The following DKK3 variants were observed in gnomAD, a reference collection of about 807,000 sequenced individuals.
The protein encoded by DKK3 is dickkopf Wnt signaling pathway inhibitor 3.
DKK3 carries 22 observed loss-of-function variants against 33.2 expected under a neutral mutation model. That is an observed-to-expected ratio of 0.66 (90% CI 0.47 to 0.95). The LOEUF (loss-of-function observed/expected upper bound fraction) is 0.95, where lower values mean the gene tolerates loss of function less well. Ranked by LOEUF, DKK3 falls within the 40% of genes least tolerant of loss-of-function variation. DKK3 has a pLI of 0.00. For synonymous variants in DKK3, 194 were observed against 188.8 expected (o/e 1.03, Z -0.23); for missense variants, 398 against 458.4 (o/e 0.87, Z 1.20).
intron 3 of DKK3, among the ~76,000 whole-genome samples, chr11:11,984,784 G>A (rs1171065889): frequency 2.0e-5 from 3 of 152,114 alleles, no homozygotes; most frequent in South Asian, 2.1e-4. Flanking sequence ...GGTGGGGGAC[G>A]GCGCCTGGGA....
chr11:11,987,004 T>C (rs773319540), intron 3 of DKK3, among the ~76,000 whole-genome samples: 1 of 152,220 alleles, frequency 6.6e-6, no homozygotes, highest in Non-Finnish European at 1.5e-5. Context: ...GAATTTTACT[T>C]CCGTTTCTAT....
intron 3 of DKK3, among the ~76,000 whole-genome samples, chr11:11,998,007 G>A (rs183261326): frequency 5.3e-5 from 8 of 152,158 alleles, no homozygotes; most frequent in African/African-American, 1.4e-4. Flanking sequence ...GTGTGCATCC[G>A]AAGCCAGCAC....
intron 5 of DKK3, among the ~76,000 whole-genome samples, 190 bp downstream of exon 5, chr11:11,966,763 GA>G (rs201734499): frequency 6.6e-6 from 1 of 151,918 alleles, no homozygotes; most frequent in African/African-American, 2.4e-5. Context: ...ATCAACAGGG[GA>G]AAAAAAAGAG....
At chr11:11,981,958 C>T (rs1458442003) in intron 3 of DKK3, among the ~76,000 whole-genome samples, 2 of 152,134 alleles carry the variant, frequency 1.3e-5, no homozygotes, top group Admixed American at 6.5e-5. Context: ...GATATCTGTC[C>T]TTGTGGATGT....
chr11:11,995,277 G>A (rs1399436866), intron 3 of DKK3, among the ~76,000 whole-genome samples: 2 of 151,984 alleles, frequency 1.3e-5, no homozygotes, highest in Non-Finnish European at 2.9e-5. Context: ...TTGTAGAGGG[G>A]TCTCAATTTC....
intron 1 of DKK3, among the ~76,000 whole-genome samples, chr11:12,006,612 C>T (rs1848541177): frequency 6.6e-6 from 1 of 152,202 alleles, no homozygotes; most frequent in Non-Finnish European, 1.5e-5. Context: ...CACAGAGCCA[C>T]ATCTAGAGGG....
At chr11:12,000,180 TTTTGTTTGTTTGTTTGTTTG>T (rs55683428) in intron 2 of DKK3, among the ~76,000 whole-genome samples, 8 of 151,284 alleles carry the variant, frequency 5.3e-5, no homozygotes, top group Non-Finnish European at 1.0e-4. Flanking sequence ...GACTAGTGTT[TTTTGTTTGTTTGTTTGTTTG>T]TTTGTTTGTT....
chr11:11,990,888 T>A (rs946520137), intron 3 of DKK3, among the ~76,000 whole-genome samples: 1 of 152,122 alleles, frequency 6.6e-6, no homozygotes. Flanking sequence ...TGTCAAGAAG[T>A]GTGAAGGGTC....
chr11:12,000,496 C>T (rs942553409), intron 2 of DKK3, among the ~76,000 whole-genome samples: 3 of 150,396 alleles, frequency 2.0e-5, no homozygotes, highest in South Asian at 2.1e-4. Flanking sequence ...CATAAGCCAC[C>T]GTGCCTGGCC....
chr11:11,980,539 C>T (rs900087735), intron 3 of DKK3, among the ~76,000 whole-genome samples: 6 of 152,272 alleles, frequency 3.9e-5, no homozygotes, highest in Admixed American at 2.6e-4. Context: ...TCCCTAGGAC[C>T]CAGATTTTTG....
At chr11:12,002,780 G>A (rs2133332270) in intron 1 of DKK3, among the ~76,000 whole-genome samples, 1 of 152,274 alleles carries the variant, frequency 6.6e-6, no homozygotes, top group South Asian at 2.1e-4. Context: ...TGCTCCCTGT[G>A]TAAACGCTGT....
At chr11:11,978,591 C>A (rs1256655712) in intron 3 of DKK3, among the ~76,000 whole-genome samples, 6 of 151,938 alleles carry the variant, frequency 3.9e-5, no homozygotes, top group Admixed American at 1.3e-4. Context: ...GTTGCCCAAG[C>A]TGGCCTTGAA....
At chr11:11,995,940 T>A (rs1338473071) in intron 3 of DKK3, among the ~76,000 whole-genome samples, 1 of 152,218 alleles carries the variant, frequency 6.6e-6, no homozygotes, top group Non-Finnish European at 1.5e-5. Flanking sequence ...TAGACAGGCA[T>A]ATAGTGTTAC....
chr11:12,007,661 C>T (rs971586576), intron 1 of DKK3, among the ~76,000 whole-genome samples: 3 of 152,210 alleles, frequency 2.0e-5, no homozygotes, highest in Non-Finnish European at 4.4e-5. Context: ...ACACATATGA[C>T]ATTTAGTTTT....
At chr11:11,966,104 T>G (rs1425717169) in intron 5 of DKK3, 139 bp from the exon 6 acceptor site, 1 of 1,083,582 alleles carries the variant, frequency 9.2e-7, no homozygotes, top group African/African-American at 1.6e-5. Context: ...AGATACGGAA[T>G]GACAGGAAAC....
At chr11:11,981,069 C>A (rs529521557) in intron 3 of DKK3, among the ~76,000 whole-genome samples, 1 of 152,352 alleles carries the variant, frequency 6.6e-6, no homozygotes, top group East Asian at 1.9e-4. Context: ...ATGCCCAGCC[C>A]TCAATCATAC....
chr11:11,985,447 C>A (rs1848050801), intron 3 of DKK3, among the ~76,000 whole-genome samples: 1 of 152,210 alleles, frequency 6.6e-6, no homozygotes. Flanking sequence ...AAAACCTAAC[C>A]AGTTATGTTG....
At chr11:11,981,104 G>C (rs12286932) in intron 3 of DKK3, among the ~76,000 whole-genome samples, 265 of 152,240 alleles carry the variant, frequency 1.7e-3, no homozygotes, top group African/African-American at 6.0e-3. Flanking sequence ...CAGAGCACTT[G>C]GCTCTAATGA....
intron 6 of DKK3, among the ~76,000 whole-genome samples, chr11:11,965,047 G>A (rs895231146): frequency 6.6e-6 from 1 of 152,232 alleles, no homozygotes. Context: ...CCTGACTCTG[G>A]GGTGTAGTCT....
Sources: gnomAD v4.1 joint callset for allele counts (sites outside exome capture counted in the v4.1 genomes callset) on GRCh38, gnomAD v4.1.1 for gene constraint, MANE v1.5 for transcripts, NCBI Gene and HGNC (gene_info 2026-07-23, HGNC 2026-07-21) for gene names.